Variants in RANBP17 observed in about 807,000 individuals in gnomAD.
RANBP17 encodes the protein RAN binding protein 17, also known as ran-binding protein 17.
RANBP17 carries 158 observed loss-of-function variants against 141.2 expected under a neutral mutation model. That is an observed-to-expected ratio of 1.12 (90% CI 0.98 to 1.28). The LOEUF (loss-of-function observed/expected upper bound fraction) is 1.28, where lower values mean the gene tolerates loss of function less well. Ranked by LOEUF, RANBP17 falls within the 50% of genes most tolerant of loss-of-function variation. RANBP17 has a pLI of 0.00. For synonymous variants in RANBP17, 430 were observed against 450.0 expected, an observed-to-expected ratio of 0.96 and a Z score of 0.56; for missense variants, 1,438 against 1,290.7, an observed-to-expected ratio of 1.11 and a Z score of -1.75.
intron 14 of RANBP17, among the ~76,000 whole-genome samples, chr5:171,139,267 C>A (rs538555091): frequency 1.3e-5 from 2 of 152,190 alleles, no homozygotes; most frequent in South Asian, 4.2e-4. Flanking sequence ...GATTAGAATT[C>A]TTTTCTTATT....
At chr5:171,238,312 C>G (rs548139519) in intron 22 of RANBP17, among the ~76,000 whole-genome samples, 3 of 152,292 alleles carry the variant, frequency 2.0e-5, no homozygotes, top group African/African-American at 7.2e-5. Context: ...ACAGATGTAT[C>G]TGACATAGTC....
intron 12 of RANBP17, chr5:170,924,917 TA>T (rs1772794057): frequency 6.4e-6 from 1 of 157,458 alleles, no homozygotes; most frequent in East Asian, 1.8e-4. Context: ...AAGTATATAA[TA>T]TATCATTGTG....
At chr5:171,216,532 C>G (rs753154625) in intron 21 of RANBP17, among the ~76,000 whole-genome samples, 1 of 152,152 alleles carries the variant, frequency 6.6e-6, no homozygotes, top group South Asian at 2.1e-4. Flanking sequence ...TGATTTCTTC[C>G]TATCCATGAA....
At chr5:171,070,320 A>G (rs1047518571) in intron 14 of RANBP17, among the ~76,000 whole-genome samples, 2 of 152,190 alleles carry the variant, frequency 1.3e-5, no homozygotes, top group African/African-American at 4.8e-5. Flanking sequence ...TCCTTTTTCA[A>G]TATACTTAGT....
chr5:171,291,949 GTAAT>G, intron 25 of RANBP17, among the ~76,000 whole-genome samples: 1 of 152,292 alleles, frequency 6.6e-6, no homozygotes, highest in East Asian at 1.9e-4. Context: ...ACCATATAAA[GTAAT>G]TGGCACATCA....
At chr5:171,079,932 T>C (rs575776563) in intron 14 of RANBP17, among the ~76,000 whole-genome samples, 135 of 152,276 alleles carry the variant, frequency 8.9e-4, no homozygotes, top group African/African-American at 3.1e-3. Flanking sequence ...TTGGAAAATA[T>C]AAGTCTTGAC....
intron 14 of RANBP17, among the ~76,000 whole-genome samples, chr5:170,969,517 T>C (rs1776834771): frequency 1.3e-5 from 2 of 151,930 alleles, no homozygotes; most frequent in South Asian, 4.1e-4. Context: ...GATGATAAAT[T>C]TTCTTGTTTA....
chr5:171,030,489 A>G (rs1781488848), intron 14 of RANBP17, among the ~76,000 whole-genome samples: 1 of 152,034 alleles, frequency 6.6e-6, no homozygotes, highest in South Asian at 2.1e-4. Flanking sequence ...CTCCAGTGGT[A>G]TCTCTCTTGA....
In RANBP17 at chr5:171,293,937, T is replaced by C; in HGVS notation, c.2998T>C (p.Ser1000Pro). 1 of 1,613,940 alleles carries C rather than the reference T, an allele frequency of 6.2e-7. No homozygotes were observed. Among genetic ancestry groups the C allele is most frequent in the Non-Finnish European group, 8.5e-7 (1 of 1,179,888 alleles). Residue 1000 changes from serine (S) to proline (P), a missense_variant, in exon 26 of 28, where the codon TCA becomes CCA. By Grantham distance (74) the Ser-to-Pro change is moderately conservative. Transcript: ENST00000523189. The stretch of plus-strand genomic sequence containing the variant: ...CTTTGAAGACTGTCGGAACCAGTGG[T>C]CAGTATCCAGGCCTCTCCTGGGGCT... ...IVFEDCRNQW[S>P]VSRPLLGLIL...
chr5:170,865,190 G>A (rs1767141120), intron 1 of RANBP17, among the ~76,000 whole-genome samples: 1 of 152,022 alleles, frequency 6.6e-6, no homozygotes, highest in South Asian at 2.1e-4. Context: ...AGCCTCCTGG[G>A]TAGCTGGGAT....
At chr5:171,087,445 T>G (rs868115384) in intron 14 of RANBP17, among the ~76,000 whole-genome samples, 10 of 152,174 alleles carry the variant, frequency 6.6e-5, no homozygotes, top group Admixed American at 3.3e-4. Context: ...ATTCTGTTGA[T>G]TTGGGGTGGA....
intron 3 of RANBP17, among the ~76,000 whole-genome samples, chr5:170,883,864 C>T (rs1021577710): frequency 2.6e-4 from 39 of 152,176 alleles, no homozygotes; most frequent in African/African-American, 8.9e-4. Context: ...TGAAGGGCAT[C>T]TTGGTTGCTT....
intron 26 of RANBP17, among the ~76,000 whole-genome samples, chr5:171,295,116 A>G (rs936296247): frequency 2.0e-5 from 3 of 152,186 alleles, no homozygotes; most frequent in Admixed American, 2.0e-4. Context: ...GAAATTAAAT[A>G]TCATGCTTTT....
Position 170,869,341 on chromosome 5 carries a change from TG to T in RANBP17, c.18+7291del, listed in dbSNP as rs1254414601. On this transcript the variant is annotated intron_variant, in intron 1 of 27. Transcript: ENST00000523189. The stretch of plus-strand genomic sequence containing the variant: ...CACAACACTTTTTTTTTTTTTTTTT[TG>T]AGTTGGGAGTCTCGCTATGTTTCCC... Among the ~76,000 whole-genome samples the T allele has an allele frequency of 1.1e-3, 165 of 150,020 alleles. 1 individual carries two copies. The highest frequency in any genetic ancestry group is 3.8e-3 in the African/African-American group (153 of 40,546).
chr5:171,142,957 G>A (rs143457046), intron 14 of RANBP17, among the ~76,000 whole-genome samples: 75 of 152,292 alleles, frequency 4.9e-4, no homozygotes, highest in Admixed American at 1.4e-3. Flanking sequence ...AAGTAATAAA[G>A]ACCTGGTTTC....
intron 14 of RANBP17, among the ~76,000 whole-genome samples, chr5:171,005,843 C>T (rs1347397594): frequency 2.0e-5 from 3 of 152,140 alleles, no homozygotes; most frequent in Non-Finnish European, 4.4e-5. Context: ...GCAATCTACT[C>T]ATCTGACAAA....
In RANBP17 at chr5:170,970,049, C is replaced by T. The variant is rs145159332; in HGVS notation, c.1710+1672C>T. ...TTCAGAAGTCCTTAATTATGTGTCC[C>T]GTCACTCTCCTAGGTACTCTTCATG... On this transcript the variant is annotated intron_variant, in intron 14 of 27. Transcript: ENST00000523189. Among the ~76,000 whole-genome samples the T allele has an allele frequency of 8.6e-5, 13 of 151,972 alleles. No individual in the cohort carries two copies. In the East Asian group the frequency reaches 1.4e-3, roughly 16 times the overall value.
intron 14 of RANBP17, among the ~76,000 whole-genome samples, chr5:171,093,664 T>C (rs1439038806): frequency 2.0e-5 from 3 of 152,244 alleles, no homozygotes; most frequent in African/African-American, 7.2e-5. Flanking sequence ...TTATTGGTTA[T>C]TTTCAGTTTA....
At chr5:171,208,623 G>A (rs1022878433) in intron 20 of RANBP17, among the ~76,000 whole-genome samples, 2 of 152,172 alleles carry the variant, frequency 1.3e-5, no homozygotes, top group African/African-American at 4.8e-5. Flanking sequence ...CAGGAAGTCA[G>A]TGCTGTTATA....
Sources: allele counts gnomAD v4.1 joint callset (sites outside exome capture counted in the v4.1 genomes callset), GRCh38; gene constraint gnomAD v4.1.1; transcripts MANE v1.5; gene names NCBI Gene and HGNC (gene_info 2026-07-23, HGNC 2026-07-21).